Variants in ITGA1 observed in about 807,000 individuals in gnomAD.
The protein encoded by ITGA1 is integrin subunit alpha 1, also known as integrin alpha-1.
Under a neutral mutation model 145.9 loss-of-function variants are expected in ITGA1, and 85 were observed. The ratio of observed to expected loss-of-function variants is 0.58; its 90% CI spans 0.49 to 0.70. The LOEUF (loss-of-function observed/expected upper bound fraction) is 0.70. Ranked by LOEUF, ITGA1 falls within the 30% of genes least tolerant of loss-of-function variation. The probability of loss-of-function intolerance (pLI) is 0.00; values close to 1 mark genes in which losing one functional copy is unlikely to be tolerated. For synonymous variants in ITGA1, 520 were observed against 495.3 expected, an observed-to-expected ratio of 1.05 and a Z score of -0.66; for missense variants, 1,351 against 1,418.7, an observed-to-expected ratio of 0.95 and a Z score of 0.77.
chr5:52,798,107 C>CT (rs199573378), intron 1 of ITGA1, among the ~76,000 whole-genome samples: 2,596 of 152,278 alleles, frequency 0.017, 43 homozygotes, highest in Admixed American at 0.046. Context: ...TAACAAGATA[C>CT]TTTTTTTAAA....
At chr5:52,888,891 C>T (rs555373107) in intron 8 of ITGA1, among the ~76,000 whole-genome samples, 5 of 152,234 alleles carry the variant, frequency 3.3e-5, no homozygotes, top group South Asian at 2.1e-4. Flanking sequence ...TCTGATGAGA[C>T]GTGTGGTATT....
chr5:52,856,315 G>T (rs1010601417), intron 2 of ITGA1, among the ~76,000 whole-genome samples: 3 of 151,960 alleles, frequency 2.0e-5, no homozygotes, highest in African/African-American at 7.3e-5. Flanking sequence ...TCTCCTATTA[G>T]CATGCTGTAC....
At chr5:52,864,175 C>T (rs1749649291) in intron 3 of ITGA1, among the ~76,000 whole-genome samples, 1 of 152,130 alleles carries the variant, frequency 6.6e-6, no homozygotes, top group South Asian at 2.1e-4. Context: ...TGGCATGCTT[C>T]ATGCTTCAGG....
chr5:52,843,568 G>A (rs1040878682), intron 1 of ITGA1, among the ~76,000 whole-genome samples: 3 of 152,230 alleles, frequency 2.0e-5, no homozygotes, highest in East Asian at 3.9e-4. Context: ...CAAGAGGGTG[G>A]CTTCCTTCAA....
In ITGA1 at chr5:52,858,232, C is replaced by G. The variant is rs75004886; in HGVS notation, c.183-3215C>G. ...TAATAGCTTCATTGGTTCCCAACTT[C>G]CCCCTACATAGAATAAAGCCAAAGT... On this transcript the variant is annotated intron_variant, in intron 2 of 28. Transcript: ENST00000282588. Among the ~76,000 whole-genome samples the G allele has an allele frequency of 3.4e-4, 52 of 152,300 alleles. No individual in the cohort carries two copies. In the East Asian group the frequency reaches 9.6e-3, roughly 28 times the overall value.
rs1751292437 is a variant in ITGA1, at chr5:52,955,539, A to C, written c.*3088A>C. ...CCCATTCTTTAATTTTGATTTCTAA[A>C]ATTATAACCTTCCTTTGATATTAAT... On this transcript the variant is annotated 3_prime_UTR_variant, in exon 29 of 29. Coordinates refer to ENST00000282588, the MANE Select transcript of ITGA1 (RefSeq NM_181501.2). 2 of 152,294 alleles carry C rather than the reference A, an allele frequency of 1.3e-5. No homozygotes were observed. The highest frequency in any genetic ancestry group is 1.5e-5 in the Non-Finnish European group (1 of 68,024). The allele number at this position is 152,294 out of a possible 1,614,324, so 9.4% of individuals were successfully genotyped here. A position where few individuals can be genotyped will look rare whatever the true frequency, so the allele number is the denominator to read the frequency against.
chr5:52,895,103 A>G (rs566469525), intron 9 of ITGA1, among the ~76,000 whole-genome samples: 1 of 152,184 alleles, frequency 6.6e-6, no homozygotes, highest in Admixed American at 6.5e-5. Context: ...AATCTCTTTC[A>G]ATGAAAAAAA....
intron 2 of ITGA1, among the ~76,000 whole-genome samples, chr5:52,850,034 G>T (rs1037095936): frequency 2.5e-4 from 35 of 138,144 alleles, no homozygotes; most frequent in Non-Finnish European, 1.5e-5. Context: ...ATGGAGTCTT[G>T]CTCTGTCACC....
rs762197932 is a variant in ITGA1, at chr5:52,910,360, G to A, written c.1798G>A (p.Gly600Arg). ...VIGAPLEDDH[G>R]GAVYIYHGSG... is the part of the protein sequence containing the mutation. ...AGGAGCTCCGCTGGAAGATGATCACGGGGGAGCTGTGTACATTTATCATGG... is the reference window on the plus strand; with the variant it reads ...AGGAGCTCCGCTGGAAGATGATCACAGGGGAGCTGTGTACATTTATCATGG... The change falls in exon 14 of 29, where the codon GGG (glycine) becomes AGG (arginine). Residue 600 changes from glycine (G) to arginine (R), a missense_variant. By Grantham distance (125) the Gly-to-Arg change is moderately radical. Transcript: ENST00000282588. 29 of 1,613,756 alleles carry A rather than the reference G, an allele frequency of 1.8e-5. No individual in the cohort carries two copies. Among genetic ancestry groups the A allele is most frequent in the South Asian group, 1.8e-4 (16 of 91,070 alleles).
chr5:52,835,709 A>G (rs1749151548), intron 1 of ITGA1, among the ~76,000 whole-genome samples: 1 of 152,136 alleles, frequency 6.6e-6, no homozygotes, highest in African/African-American at 2.4e-5. Flanking sequence ...TAGTTATTAG[A>G]TTCCATTGAT....
chr5:52,915,838 G>A (rs1328504866), intron 15 of ITGA1, among the ~76,000 whole-genome samples: 1 of 152,168 alleles, frequency 6.6e-6, no homozygotes, highest in African/African-American at 2.4e-5. Context: ...CACTAAAATA[G>A]GTATTCTGTT....
At chr5:52,801,449 C>T (rs927508067) in intron 1 of ITGA1, 2 of 1,613,858 alleles carry the variant, frequency 1.2e-6, no homozygotes, top group Non-Finnish European at 1.7e-6. Context: ...CTGAAAGAGG[C>T]CCTTTGTGAC....
At chr5:52,937,269 G>C (rs577164717) in intron 23 of ITGA1, 132 bp from the exon 24 acceptor site, 172 of 663,986 alleles carry the variant, frequency 2.6e-4, no homozygotes, top group Non-Finnish European at 4.3e-4. Context: ...GCACCATAAA[G>C]GATCTACATT....
At chr5:52,927,528 C>T (rs989343820) in intron 19 of ITGA1, 56 bp from the exon 20 acceptor site, 20 of 1,214,070 alleles carry the variant, frequency 1.6e-5, no homozygotes, top group Non-Finnish European at 2.2e-5. Context: ...TGAAAGAACA[C>T]GTATCAATAT....
At chr5:52,794,288 TTA>T (rs77663445) in intron 1 of ITGA1, among the ~76,000 whole-genome samples, 1 of 151,654 alleles carries the variant, frequency 6.6e-6, no homozygotes, top group Non-Finnish European at 1.5e-5. Flanking sequence ...TTAAGATGGT[TTA>T]TATATTTTGT....
At chr5:52,827,086 G>C (rs982311861) in intron 1 of ITGA1, among the ~76,000 whole-genome samples, 13 of 131,232 alleles carry the variant, frequency 9.9e-5, no homozygotes, top group African/African-American at 3.0e-4. Context: ...ATGCCATTAA[G>C]AACTTTTTTT....
intron 21 of ITGA1, among the ~76,000 whole-genome samples, chr5:52,930,364 T>C (rs1336713221): frequency 1.3e-5 from 2 of 152,196 alleles, no homozygotes; most frequent in Non-Finnish European, 2.9e-5. Context: ...TAATTAATTC[T>C]GTATGTTCAA....
intron 27 of ITGA1, 93 bp from the exon 28 acceptor site, chr5:52,947,252 C>T: frequency 1.4e-6 from 1 of 729,060 alleles, no homozygotes. Flanking sequence ...GAGATTAATG[C>T]ACTGGTAGAG....
chr5:52,809,263 C>G (rs2111681626), intron 1 of ITGA1, among the ~76,000 whole-genome samples: 1 of 152,200 alleles, frequency 6.6e-6, no homozygotes, highest in South Asian at 2.1e-4. Flanking sequence ...ACAGTCTCTT[C>G]CTTGCAAAAA....
Sources: gnomAD v4.1 joint callset for allele counts (sites outside exome capture counted in the v4.1 genomes callset) on GRCh38, gnomAD v4.1.1 for gene constraint, MANE v1.5 for transcripts, NCBI Gene and HGNC (gene_info 2026-07-23, HGNC 2026-07-21) for gene names.